The following SLC2A12 variants were observed in gnomAD, a reference collection of about 807,000 sequenced individuals.
SLC2A12 encodes the protein solute carrier family 2 member 12.
Under a neutral mutation model 41.8 loss-of-function variants are expected in SLC2A12, and 23 were observed. The observed-to-expected ratio is 0.55, with a 90% CI of 0.40 to 0.78. SLC2A12 has a LOEUF of 0.78. SLC2A12 is among the 30% of genes least tolerant of loss of function. SLC2A12 has a pLI of 0.00. For synonymous variants in SLC2A12, 295 were observed against 285.9 expected (o/e 1.03, Z -0.32); for missense variants, 654 against 745.6 (o/e 0.88, Z 1.43).
intron 4 of SLC2A12, 79 bp downstream of exon 4, chr6:134,001,918 T>G (rs1429992303): frequency 7.0e-7 from 1 of 1,434,440 alleles, no homozygotes; most frequent in Non-Finnish European, 9.4e-7. Flanking sequence ...TAATTTCAGA[T>G]ATTATTCCTT....
chr6:134,024,975 C>T (rs1335996169), intron 2 of SLC2A12, among the ~76,000 whole-genome samples: 1 of 152,202 alleles, frequency 6.6e-6, no homozygotes, highest in Non-Finnish European at 1.5e-5. Flanking sequence ...AAATGCACAG[C>T]AAAAACTCTC....
At chr6:134,012,539 A>G (rs981893220) in intron 2 of SLC2A12, among the ~76,000 whole-genome samples, 2 of 152,264 alleles carry the variant, frequency 1.3e-5, no homozygotes, top group African/African-American at 4.8e-5. Context: ...ATAAATTTAA[A>G]TAATAGCAAA....
At chr6:134,037,820 G>A (rs1214284460) in intron 1 of SLC2A12, among the ~76,000 whole-genome samples, 2 of 152,182 alleles carry the variant, frequency 1.3e-5, no homozygotes, top group African/African-American at 4.8e-5. Flanking sequence ...GATGCCCCAG[G>A]AAGGAGATGC....
At chr6:134,037,416 G>A (rs1015082388) in intron 1 of SLC2A12, among the ~76,000 whole-genome samples, 2 of 151,702 alleles carry the variant, frequency 1.3e-5, no homozygotes, top group African/African-American at 2.4e-5. Flanking sequence ...CTGGAGTGCA[G>A]TGGCATGATC....
intron 4 of SLC2A12, among the ~76,000 whole-genome samples, chr6:133,995,415 T>A (rs1272843656): frequency 1.3e-5 from 2 of 151,872 alleles, no homozygotes; most frequent in Non-Finnish European, 2.9e-5. Context: ...GTTGTGTATG[T>A]GGAAGGGGTG....
Position 134,052,362 on chromosome 6 carries a change from T to G in SLC2A12, c.103+16A>C, listed in dbSNP as rs765570704. 7 of 1,606,570 alleles carry G rather than the reference T, an allele frequency of 4.4e-6. No homozygotes were observed. Among genetic ancestry groups the G allele is most frequent in the Admixed American group, 1.7e-5 (1 of 59,896 alleles). ...TGCTTCTCTGCGGTCACCCGAGCAC[T>G]GCAGGCTCACTTTACCTCTCGCCCA... On this transcript the variant is annotated intron_variant, in intron 1 of 4. Coordinates refer to ENST00000275230, the MANE Select transcript of SLC2A12 (RefSeq NM_145176.3).
At chr6:134,007,108 C>T (rs1202970378) in intron 2 of SLC2A12, among the ~76,000 whole-genome samples, 174 bp from the exon 3 acceptor site, 1 of 152,232 alleles carries the variant, frequency 6.6e-6, no homozygotes, top group East Asian at 1.9e-4. Context: ...GCCTCCTCAC[C>T]TCCAGCCAAG....
At chr6:134,052,177 G>GCT (rs1773692894) in intron 1 of SLC2A12, among the ~76,000 whole-genome samples, 1 of 151,102 alleles carries the variant, frequency 6.6e-6, no homozygotes, top group Non-Finnish European at 1.5e-5. Flanking sequence ...ACAGCTCCGA[G>GCT]CTGTCCCACG....
chr6:133,997,209 C>G (rs1776707577), intron 4 of SLC2A12, among the ~76,000 whole-genome samples: 1 of 151,532 alleles, frequency 6.6e-6, no homozygotes, highest in African/African-American at 2.4e-5. Flanking sequence ...GTGAGCTGAG[C>G]TCATGTCACT....
chr6:133,998,866 C>T (rs1776724155), intron 4 of SLC2A12, among the ~76,000 whole-genome samples: 1 of 152,100 alleles, frequency 6.6e-6, no homozygotes, highest in African/African-American at 2.4e-5. Flanking sequence ...GAATTTTGCT[C>T]CCTGAGTTAG....
chr6:134,025,126 A>G (rs919996715), intron 2 of SLC2A12, among the ~76,000 whole-genome samples: 1 of 152,198 alleles, frequency 6.6e-6, no homozygotes, highest in African/African-American at 2.4e-5. Context: ...TAGTATCCTG[A>G]TGGATGGACA....
chr6:134,008,743 C>G (rs1776844034), intron 2 of SLC2A12, among the ~76,000 whole-genome samples: 1 of 152,128 alleles, frequency 6.6e-6, no homozygotes, highest in African/African-American at 2.4e-5. Context: ...TTATATAAAT[C>G]CGATTTTGAA....
chr6:134,007,966 T>C (rs1776835182), intron 2 of SLC2A12, among the ~76,000 whole-genome samples: 1 of 152,226 alleles, frequency 6.6e-6, no homozygotes, highest in Non-Finnish European at 1.5e-5. Context: ...AGTGACTCAA[T>C]AAATATTTAT....
In SLC2A12 at chr6:134,002,137, G is replaced by T; in HGVS notation, c.1568-8C>A. The T allele has an allele frequency of 6.3e-7, 1 of 1,588,038 alleles. No individual in the cohort carries two copies. Among genetic ancestry groups the T allele is most frequent in the Non-Finnish European group, 8.5e-7 (1 of 1,172,084 alleles). The stretch of plus-strand genomic sequence containing the variant: ...ATGGCAGGCCAATAAGATCTATAAA[G>T]GACAAAAGAAATTGATTAGAAATGT... On this transcript the variant is annotated splice_polypyrimidine_tract_variant and splice_region_variant and intron_variant, in intron 3 of 4. Transcript: ENST00000275230.
chr6:133,993,786 A>G (rs943175457), intron 4 of SLC2A12, among the ~76,000 whole-genome samples: 1 of 152,202 alleles, frequency 6.6e-6, no homozygotes, highest in Non-Finnish European at 1.5e-5. Flanking sequence ...AATTCGAGGC[A>G]GAGAAAACAA....
At position 134,052,589 on chromosome 6, in the gene SLC2A12, G is replaced by A. The variant is rs1773708281; in HGVS notation, c.-109C>T. 1.2e-6 allele frequency: 1 copy of A among 804,756 alleles called. No homozygotes were observed. The highest frequency in any genetic ancestry group is 2.4e-5 in the Admixed American group (1 of 41,310). The allele number at this position is 804,756 out of a possible 1,614,324, so 49.9% of individuals were successfully genotyped here. On this transcript the variant is annotated 5_prime_UTR_variant, in exon 1 of 5. Transcript: ENST00000275230. ...ATAGCATGCTAAAGAAGAGTGTGGG[G>A]AAAAACTTCGGGCAAAGCTAATGTG...
chr6:133,997,085 C>CAAAAAAAAAAAAAAAA (rs58295985), intron 4 of SLC2A12, among the ~76,000 whole-genome samples: 6 of 70,704 alleles, frequency 8.5e-5, no homozygotes, highest in South Asian at 7.5e-4. Flanking sequence ...ACTAAAAATA[C>CAAAAAAAAAAAAAAAA]AAAAAAAAAA....
chr6:134,040,823 A>C (rs1255431605), intron 1 of SLC2A12, among the ~76,000 whole-genome samples: 1 of 152,230 alleles, frequency 6.6e-6, no homozygotes, highest in African/African-American at 2.4e-5. Flanking sequence ...TGACAAGTGC[A>C]TGTCTGAATC....
intron 1 of SLC2A12, among the ~76,000 whole-genome samples, chr6:134,050,005 T>A (rs1773651181): frequency 6.6e-6 from 1 of 152,216 alleles, no homozygotes; most frequent in Non-Finnish European, 1.5e-5. Flanking sequence ...ATAATTTAAA[T>A]ACTCTGAATG....
Sources: allele counts gnomAD v4.1 joint callset (sites outside exome capture counted in the v4.1 genomes callset), GRCh38; gene constraint gnomAD v4.1.1; transcripts MANE v1.5; gene names NCBI Gene and HGNC (gene_info 2026-07-23, HGNC 2026-07-21).